The following CCL28 variants were observed in gnomAD, a reference collection of about 807,000 sequenced individuals.
The protein encoded by CCL28 is C-C motif chemokine 28.
In CCL28, 4 loss-of-function variants were observed where a neutral mutation model predicts 7.1. The observed-to-expected ratio is 0.56, with a 90% CI of 0.28 to 1.29. The LOEUF is 1.29. Among genes scored for constraint, CCL28 ranks in the 50% most tolerant of loss-of-function variants. The pLI, the probability that CCL28 is intolerant of heterozygous loss-of-function variation, is 0.11. For synonymous variants in CCL28, 55 were observed against 57.8 expected (o/e 0.95, Z 0.22); for missense variants, 151 against 163.4 (o/e 0.92, Z 0.41).
intron 2 of CCL28, among the ~76,000 whole-genome samples, chr5:43,387,792 G>C (rs1740402371): frequency 6.6e-6 from 1 of 152,018 alleles, no homozygotes; most frequent in Admixed American, 6.6e-5. Flanking sequence ...TGCCTGGCTA[G>C]TTTTAAAGTT....
the CCL28 span, among the ~76,000 whole-genome samples, chr5:43,368,398 T>C: frequency 6.6e-6 from 1 of 152,174 alleles, no homozygotes; most frequent in African/African-American, 2.4e-5. Flanking sequence ...AGCTAAGAAC[T>C]ATATTTCCTT....
chr5:43,362,633 C>A, the CCL28 span, among the ~76,000 whole-genome samples: 3 of 152,126 alleles, frequency 2.0e-5, no homozygotes, highest in Non-Finnish European at 2.9e-5. Flanking sequence ...ATTTACATAG[C>A]AGTCATTGTG....
chr5:43,400,046 A>G (rs1172661234), intron 1 of CCL28, among the ~76,000 whole-genome samples: 2 of 151,952 alleles, frequency 1.3e-5, no homozygotes, highest in Non-Finnish European at 2.9e-5. Context: ...AGGGTGTTGT[A>G]TGTTACCCAG....
chr5:43,376,556 G>A (rs1739891208), downstream of CCL28: 1 of 152,260 alleles, frequency 6.6e-6, no homozygotes, highest in Non-Finnish European at 1.5e-5. Flanking sequence ...TATAGCTGAT[G>A]TGACATAACA....
In CCL28 at chr5:43,381,979, C is replaced by T. The variant is rs1740136815; in HGVS notation, c.265G>A (p.Ala89Thr). ...TTTCCTTTACCATTTTTCTTGGCAG[C>T]TTGCACTTTCATCCACTGCTTAACA... ...HTVKQWMKVQ[A>T]AKKNGKGNVC... The change falls in exon 3 of 3, where the codon GCT (alanine) becomes ACT (threonine). Residue 89 changes from alanine to threonine, a missense_variant. Physicochemically the swap from Ala to Thr is moderately conservative, Grantham distance 58 (BLOSUM62 0). Coordinates refer to ENST00000361115, the MANE Select transcript of CCL28 (RefSeq NM_148672.3). 4 of 1,614,026 alleles carry T rather than the reference C, an allele frequency of 2.5e-6. No individual in the cohort carries two copies. In the African/African-American group the frequency reaches 5.3e-5, roughly 22 times the overall value.
the CCL28 span, among the ~76,000 whole-genome samples, chr5:43,368,749 G>T: frequency 4.3e-4 from 66 of 152,212 alleles, 1 homozygote; most frequent in South Asian, 0.014. Context: ...GAAAGAAGAT[G>T]ATGTGAAGGG....
intron 2 of CCL28, among the ~76,000 whole-genome samples, chr5:43,383,712 T>G (rs1292224746): frequency 2.0e-5 from 3 of 152,166 alleles, no homozygotes; most frequent in African/African-American, 7.2e-5. Flanking sequence ...AATCTGGCAC[T>G]GAAGCTCCTA....
intron 2 of CCL28, among the ~76,000 whole-genome samples, chr5:43,382,914 G>A (rs1415490154): frequency 6.6e-6 from 1 of 151,968 alleles, no homozygotes; most frequent in East Asian, 1.9e-4. Flanking sequence ...CGTCTCCCGG[G>A]TTCAAGTGAT....
At chr5:43,407,735 A>G (rs988844910) in intron 1 of CCL28, among the ~76,000 whole-genome samples, 14 of 152,248 alleles carry the variant, frequency 9.2e-5, no homozygotes, top group African/African-American at 3.4e-4. Flanking sequence ...AAATTTTTAC[A>G]ATCTATCCAT....
chr5:43,387,715 G>A (rs1740399327), intron 2 of CCL28, among the ~76,000 whole-genome samples: 1 of 152,064 alleles, frequency 6.6e-6, no homozygotes, highest in Non-Finnish European at 1.5e-5. Context: ...CTGCAGCCTC[G>A]AACTGGGCTC....
chr5:43,391,224 T>C (rs1740558846), intron 1 of CCL28, among the ~76,000 whole-genome samples: 2 of 152,074 alleles, frequency 1.3e-5, no homozygotes, highest in South Asian at 4.1e-4. Flanking sequence ...GAAAAATGGA[T>C]AGAATATGAA....
chr5:43,408,917 G>T, intron 1 of CCL28, among the ~76,000 whole-genome samples: 1 of 140,586 alleles, frequency 7.1e-6, no homozygotes, highest in Non-Finnish European at 1.5e-5. Flanking sequence ...TGAAATGAGA[G>T]TCTCACTCTT....
At position 43,379,402 on chromosome 5, in the gene CCL28, T is replaced by C. The variant is rs1240504430; in HGVS notation, c.*2458A>G. On this transcript the variant is annotated 3_prime_UTR_variant, in exon 3 of 3. Transcript: ENST00000361115. Reference sequence around the variant, plus strand: ...ATATTATATTTTATTAATTTTTTCTTATTTAAAAAGCTTGTCTCTGCCACT... The same window carrying C: ...ATATTATATTTTATTAATTTTTTCTCATTTAAAAAGCTTGTCTCTGCCACT... 5 of 152,220 alleles carry C rather than the reference T, an allele frequency of 3.3e-5. No individual in the cohort carries two copies. Among genetic ancestry groups the C allele is most frequent in the Non-Finnish European group, 7.3e-5 (5 of 68,046 alleles). The allele number at this position is 152,220 out of a possible 1,614,324, so 9.4% of individuals were successfully genotyped here.
downstream of CCL28, among the ~76,000 whole-genome samples, chr5:43,372,145 C>T (rs1018141887): frequency 6.6e-6 from 1 of 152,176 alleles, no homozygotes; most frequent in Non-Finnish European, 1.5e-5. Context: ...CCAAACACCT[C>T]CCATTGGGCT....
chr5:43,396,757 A>G (rs1023527339), intron 1 of CCL28, among the ~76,000 whole-genome samples: 19 of 152,130 alleles, frequency 1.2e-4, no homozygotes, highest in African/African-American at 3.1e-4. Context: ...GCACGAGAAA[A>G]AAAGAAAGAA....
chr5:43,387,915 C>T (rs1246029447), intron 2 of CCL28: 2 of 154,466 alleles, frequency 1.3e-5, no homozygotes, highest in Middle Eastern at 3.3e-3. Context: ...CATAAACCAC[C>T]ACACCCAGCC....
chr5:43,384,617 G>A (rs1426289840), intron 2 of CCL28, among the ~76,000 whole-genome samples: 1 of 151,396 alleles, frequency 6.6e-6, no homozygotes, highest in Admixed American at 6.6e-5. Context: ...AGTTTTGACT[G>A]TAAGAAATCC....
At chr5:43,393,851 C>A (rs1405034688) in intron 1 of CCL28, among the ~76,000 whole-genome samples, 2 of 152,204 alleles carry the variant, frequency 1.3e-5, no homozygotes, top group Non-Finnish European at 2.9e-5. Flanking sequence ...AGCTCAGGGT[C>A]TCTCACAAGA....
At chr5:43,405,045 C>T (rs1425005085) in intron 1 of CCL28, among the ~76,000 whole-genome samples, 3 of 152,142 alleles carry the variant, frequency 2.0e-5, no homozygotes, top group Non-Finnish European at 4.4e-5. Context: ...CTTAGACTCC[C>T]ACACAATAAT....
Sources: gnomAD v4.1 joint callset for allele counts (sites outside exome capture counted in the v4.1 genomes callset) on GRCh38, gnomAD v4.1.1 for gene constraint, MANE v1.5 for transcripts, NCBI Gene and HGNC (gene_info 2026-07-23, HGNC 2026-07-21) for gene names.